AGBL3: variants seen among roughly 807,000 people sequenced by gnomAD.
The protein encoded by AGBL3 is AGBL carboxypeptidase 3.
A neutral mutation model predicts 94.5 loss-of-function variants in AGBL3; 68 were observed. The ratio of observed to expected loss-of-function variants is 0.72; its 90% CI spans 0.59 to 0.88. AGBL3 has a LOEUF of 0.88. Among genes scored for constraint, AGBL3 ranks in the 40% least tolerant of loss-of-function variants. The probability of loss-of-function intolerance (pLI) is 0.00; values close to 1 mark genes in which losing one functional copy is unlikely to be tolerated. For synonymous variants in AGBL3, 354 were observed against 370.7 expected (o/e 0.95, Z 0.52); for missense variants, 934 against 1,103.8 (o/e 0.85, Z 2.18).
intron 15 of AGBL3, among the ~76,000 whole-genome samples, chr7:135,103,321 T>TA (rs1563268051): frequency 2.6e-5 from 4 of 152,200 alleles, no homozygotes; most frequent in South Asian, 2.1e-4. Context: ...GAGTTCCTTA[T>TA]ACTAGTCTCT....
chr7:135,049,574 T>C (rs1323097701), intron 11 of AGBL3, among the ~76,000 whole-genome samples: 4 of 152,016 alleles, frequency 2.6e-5, no homozygotes, highest in Non-Finnish European at 5.9e-5. Flanking sequence ...GATTTTCGAT[T>C]ACTGATTAAA....
At chr7:135,117,279 T>C (rs2117204478) in intron 16 of AGBL3, among the ~76,000 whole-genome samples, 1 of 152,366 alleles carries the variant, frequency 6.6e-6, no homozygotes, top group Middle Eastern at 3.4e-3. Flanking sequence ...AAATTTAAGG[T>C]ATGTAAATCA....
intron 11 of AGBL3, among the ~76,000 whole-genome samples, chr7:135,050,002 G>A (rs1022057694): frequency 1.3e-5 from 2 of 151,138 alleles, no homozygotes; most frequent in African/African-American, 4.9e-5. Context: ...TCTTTTTTGA[G>A]ATCTTTATTC....
At chr7:135,094,060 G>T (rs761430263) in intron 15 of AGBL3, 12 of 191,758 alleles carry the variant, frequency 6.3e-5, no homozygotes, top group Admixed American at 1.1e-4. Flanking sequence ...AAAGAATGAA[G>T]TTGGCCGTGT....
At chr7:135,020,803 G>A (rs867622733) in intron 5 of AGBL3, among the ~76,000 whole-genome samples, 5 of 150,968 alleles carry the variant, frequency 3.3e-5, no homozygotes, top group African/African-American at 4.9e-5. Context: ...GCAAAGTATC[G>A]CAAGGCCAAA....
chr7:134,999,638 A>G (rs185150926), intron 4 of AGBL3, among the ~76,000 whole-genome samples: 10 of 152,308 alleles, frequency 6.6e-5, no homozygotes, highest in Admixed American at 2.0e-4. Flanking sequence ...CCTAAATTCC[A>G]TGGTGATTTC....
intron 5 of AGBL3, among the ~76,000 whole-genome samples, chr7:135,023,387 T>C (rs1301165698): frequency 6.6e-6 from 1 of 152,134 alleles, no homozygotes; most frequent in Non-Finnish European, 1.5e-5. Flanking sequence ...ATGCCGGGGC[T>C]AGTTCCTACC....
chr7:135,068,801 A>G (rs200229606), intron 12 of AGBL3, among the ~76,000 whole-genome samples: 1 of 152,244 alleles, frequency 6.6e-6, no homozygotes, highest in Admixed American at 6.5e-5. Context: ...TGTAAAGACC[A>G]TCGATGCTAG....
At chr7:135,080,380 A>T in intron 14 of AGBL3, 120 bp downstream of exon 14, 1 of 726,136 alleles carries the variant, frequency 1.4e-6, no homozygotes, top group Non-Finnish European at 2.3e-6. Flanking sequence ...AATGTATATG[A>T]TACCATTTCT....
intron 11 of AGBL3, among the ~76,000 whole-genome samples, chr7:135,052,617 CT>C (rs1448007972): frequency 1.3e-5 from 2 of 152,012 alleles, no homozygotes; most frequent in Non-Finnish European, 2.9e-5. Flanking sequence ...TTGTTTCCAT[CT>C]TTACATCCAT....
At chr7:135,012,881 G>T (rs1563183000) in intron 4 of AGBL3, among the ~76,000 whole-genome samples, 1 of 151,994 alleles carries the variant, frequency 6.6e-6, no homozygotes, top group Non-Finnish European at 1.5e-5. Context: ...TGTAGTTATA[G>T]ATAAGGCAAC....
At chr7:135,058,585 T>C (rs1818539424) in intron 11 of AGBL3, among the ~76,000 whole-genome samples, 2 of 152,070 alleles carry the variant, frequency 1.3e-5, no homozygotes, top group Non-Finnish European at 2.9e-5. Context: ...TGCCAAGCAC[T>C]ATTTCCACTC....
intron 5 of AGBL3, among the ~76,000 whole-genome samples, chr7:135,031,611 T>C (rs528762830): frequency 6.6e-5 from 10 of 152,316 alleles, no homozygotes; most frequent in South Asian, 6.2e-4. Flanking sequence ...GGCAATTAAA[T>C]TGCTGGCAGA....
At chr7:135,104,160 A>G (rs1299069592) in intron 15 of AGBL3, among the ~76,000 whole-genome samples, 2 of 152,052 alleles carry the variant, frequency 1.3e-5, no homozygotes, top group African/African-American at 4.8e-5. Context: ...AAGTGACAAC[A>G]TGTGATATTT....
At chr7:135,096,602 T>TAGATAGATAGATAGAC (rs1822839947) in intron 15 of AGBL3, among the ~76,000 whole-genome samples, 1 of 125,766 alleles carries the variant, frequency 8.0e-6, no homozygotes, top group Admixed American at 7.8e-5. Context: ...GATAGATAGA[T>TAGATAGATAGATAGAC]AGATAGATAG....
At chr7:135,080,286 T>C (rs1563245601) in intron 14 of AGBL3, 26 bp downstream of exon 14, 2 of 1,533,800 alleles carry the variant, frequency 1.3e-6, no homozygotes, top group Non-Finnish European at 1.8e-6. Flanking sequence ...TACCTTCTCA[T>C]AAACAATTAA....
intron 15 of AGBL3, among the ~76,000 whole-genome samples, chr7:135,085,529 G>A (rs1239420539): frequency 1.3e-5 from 2 of 151,970 alleles, no homozygotes; most frequent in Non-Finnish European, 2.9e-5. Context: ...CTTTTTTATG[G>A]TGAGAGATAG....
rs2117379717 is a variant in AGBL3 at position 135,135,417 on chromosome 7, G to C, written c.*156G>C. On this transcript the variant is annotated 3_prime_UTR_variant, in exon 17 of 17. Coordinates refer to ENST00000436302, the MANE Select transcript of AGBL3 (RefSeq NM_178563.4). ...AAAAATTTTAGATATCCCATCTTCT[G>C]TAGTGGGAACATCTTTCAGAGATTT... 2.2e-6 allele frequency: 1 copy of C among 463,808 alleles called. No individual in the cohort carries two copies. The highest frequency in any genetic ancestry group is 3.4e-5 in the East Asian group (1 of 29,668). The allele number at this position is 463,808 out of a possible 1,614,324, so 28.7% of individuals were successfully genotyped here. A position where few individuals can be genotyped will look rare whatever the true frequency, so the allele number is the denominator to read the frequency against.
At chr7:135,070,283 T>C (rs549361412) in intron 12 of AGBL3, among the ~76,000 whole-genome samples, 1 of 152,360 alleles carries the variant, frequency 6.6e-6, no homozygotes, top group Non-Finnish European at 1.5e-5. Flanking sequence ...CACAGCCGAA[T>C]TCTACCAGAT....
Sources: allele counts gnomAD v4.1 joint callset (sites outside exome capture counted in the v4.1 genomes callset), GRCh38; gene constraint gnomAD v4.1.1; transcripts MANE v1.5; gene names NCBI Gene and HGNC (gene_info 2026-07-23, HGNC 2026-07-21).